The following ZNF277 variants were observed in gnomAD, a reference collection of about 807,000 sequenced individuals.
ZNF277 encodes the protein nuclear receptor-interacting factor 4.
In ZNF277, 55 loss-of-function variants were observed where a neutral mutation model predicts 60.7. That is an observed-to-expected ratio of 0.91 (90% confidence interval 0.73 to 1.13). The LOEUF (loss-of-function observed/expected upper bound fraction) is 1.13. ZNF277 is among the 50% of genes most tolerant of loss of function. The probability of loss-of-function intolerance (pLI) is 0.00; values close to 1 mark genes in which losing one functional copy is unlikely to be tolerated. For synonymous variants in ZNF277, 178 were observed against 179.3 expected (o/e 0.99, Z 0.06); for missense variants, 510 against 523.0 (o/e 0.98, Z 0.24).
intron 4 of ZNF277, among the ~76,000 whole-genome samples, chr7:112,299,420 T>G (rs1335324853): frequency 2.6e-5 from 4 of 152,188 alleles, no homozygotes; most frequent in African/African-American, 7.2e-5. Flanking sequence ...CAGCTGCTTT[T>G]AAGAATGTAA....
At chr7:112,248,664 C>T (rs1048490659) in intron 1 of ZNF277, among the ~76,000 whole-genome samples, 5 of 151,834 alleles carry the variant, frequency 3.3e-5, no homozygotes, top group African/African-American at 1.2e-4. Context: ...TATGTATAAA[C>T]ATGTATGATG....
chr7:112,335,127 C>T (rs1431020981), intron 7 of ZNF277, among the ~76,000 whole-genome samples: 1 of 152,028 alleles, frequency 6.6e-6, no homozygotes, highest in Non-Finnish European at 1.5e-5. Context: ...AGATGAATAC[C>T]TTTATTTGGG....
At chr7:112,305,898 A>G (rs1792578134) in intron 4 of ZNF277, among the ~76,000 whole-genome samples, 1 of 152,098 alleles carries the variant, frequency 6.6e-6, no homozygotes, top group Admixed American at 6.6e-5. Context: ...GAAGAGGCTC[A>G]TCAGCATTCC....
intron 4 of ZNF277, among the ~76,000 whole-genome samples, chr7:112,315,704 A>AT: frequency 6.6e-6 from 1 of 152,266 alleles, no homozygotes; most frequent in Admixed American, 6.5e-5. Context: ...CAAATAGCAA[A>AT]TTAAAATGTC....
intron 1 of ZNF277, among the ~76,000 whole-genome samples, chr7:112,278,844 G>A (rs936200720): frequency 6.6e-6 from 1 of 152,000 alleles, no homozygotes; most frequent in African/African-American, 2.4e-5. Context: ...CAGATCTCTA[G>A]AACTTTTTCA....
intron 10 of ZNF277, 101 bp from the exon 11 acceptor site, chr7:112,340,771 A>G: frequency 1.0e-6 from 1 of 955,372 alleles, no homozygotes; most frequent in South Asian, 1.6e-5. Context: ...CTGCCTCTTC[A>G]GGTTGATTAA....
intron 5 of ZNF277, among the ~76,000 whole-genome samples, chr7:112,323,390 G>A (rs987315814): frequency 4.6e-5 from 7 of 152,226 alleles, no homozygotes; most frequent in African/African-American, 1.7e-4. Flanking sequence ...CCCTAGGGGT[G>A]AGAATTTTTT....
At chr7:112,266,269 C>G (rs751870993) in intron 1 of ZNF277, among the ~76,000 whole-genome samples, 1 of 152,092 alleles carries the variant, frequency 6.6e-6, no homozygotes, top group Admixed American at 6.5e-5. Context: ...GCCTCAGCCT[C>G]CTTAGTAGCT....
intron 2 of ZNF277, chr7:112,287,854 A>T: frequency 6.6e-6 from 1 of 150,608 alleles, no homozygotes; most frequent in African/African-American, 2.5e-5. Flanking sequence ...AAAAATCTTT[A>T]CATTATTTTT....
chr7:112,263,132 G>A (rs1791471408), intron 1 of ZNF277, among the ~76,000 whole-genome samples: 3 of 152,128 alleles, frequency 2.0e-5, no homozygotes, highest in African/African-American at 7.2e-5. Context: ...CAGAAAGCTG[G>A]ATTTACTGTT....
intron 1 of ZNF277, among the ~76,000 whole-genome samples, chr7:112,225,972 A>T (rs1376827292): frequency 6.6e-6 from 1 of 152,180 alleles, no homozygotes; most frequent in Non-Finnish European, 1.5e-5. Context: ...TAGTGTGCTA[A>T]TTTTTGTGAC....
chr7:112,289,491 T>C (rs1375134064), intron 2 of ZNF277, among the ~76,000 whole-genome samples: 1 of 152,242 alleles, frequency 6.6e-6, no homozygotes, highest in East Asian at 1.9e-4. Context: ...TCATAGGACA[T>C]ACTCTCTGCT....
At chr7:112,327,856 A>C in intron 6 of ZNF277, 29 bp downstream of exon 6, 1 of 1,434,846 alleles carries the variant, frequency 7.0e-7, no homozygotes, top group South Asian at 1.3e-5. Flanking sequence ...AACACTGCCT[A>C]AAGCTGTTTT....
At position 112,268,258 on chromosome 7, in the gene ZNF277, G is replaced by A. The variant is rs183073916; in HGVS notation, c.92-18615G>A. ...ACCATATGCCTGCATGCACACACAC[G>A]CACACACAAACACACACACACACAC... On this transcript the variant is annotated intron_variant, in intron 1 of 11. Transcript: ENST00000361822. 2.1e-3 allele frequency among the ~76,000 whole-genome samples: 314 copies of A among 150,376 alleles called. 2 individuals are homozygous for A. Among genetic ancestry groups the A allele is most frequent in the African/African-American group, 7.2e-3 (290 of 40,440 alleles).
At position 112,329,266 on chromosome 7, in the gene ZNF277, A is replaced by G. The variant is rs911627865; in HGVS notation, c.669-818A>G. On this transcript the variant is annotated intron_variant, in intron 6 of 11. Transcript: ENST00000361822. The stretch of plus-strand genomic sequence containing the variant: ...TTATACTTAGACACTATATGGCTCC[A>G]GAAAGTAGAACTCTCTACTTTTTAC... 9.9e-5 allele frequency among the ~76,000 whole-genome samples: 15 copies of G among 152,284 alleles called. No individual in the cohort carries two copies. The East Asian group carries it at 2.7e-3, about 27-fold the overall frequency.
chr7:112,237,676 T>C (rs1441585259), intron 1 of ZNF277, among the ~76,000 whole-genome samples: 1 of 151,638 alleles, frequency 6.6e-6, no homozygotes, highest in Non-Finnish European at 1.5e-5. Context: ...AGAACAGTAA[T>C]AAAAATCTCC....
chr7:112,334,379 T>C (rs1793288581), intron 7 of ZNF277, among the ~76,000 whole-genome samples: 1 of 151,758 alleles, frequency 6.6e-6, no homozygotes. Flanking sequence ...GCAGGCACAG[T>C]GTCTTAATTA....
chr7:112,277,691 G>A (rs190907895), intron 1 of ZNF277, among the ~76,000 whole-genome samples: 2 of 152,176 alleles, frequency 1.3e-5, no homozygotes, highest in African/African-American at 4.8e-5. Context: ...CGACAGAGTA[G>A]ATATAGAGCA....
At chr7:112,340,343 A>C (rs1305204047) in intron 10 of ZNF277, among the ~76,000 whole-genome samples, 1 of 152,198 alleles carries the variant, frequency 6.6e-6, no homozygotes. Context: ...AGGTGTACCC[A>C]ATGTATCATT....
Sources: gnomAD v4.1 joint callset for allele counts (sites outside exome capture counted in the v4.1 genomes callset) on GRCh38, gnomAD v4.1.1 for gene constraint, MANE v1.5 for transcripts, NCBI Gene and HGNC (gene_info 2026-07-23, HGNC 2026-07-21) for gene names.